The following TDRP variants were observed in gnomAD, a reference collection of about 807,000 sequenced individuals.
TDRP encodes the protein testis development related protein, also known as testis development-related protein.
Under a neutral mutation model 10.5 loss-of-function variants are expected in TDRP, and 12 were observed. That is an observed-to-expected ratio of 1.15 (90% confidence interval 0.73 to 1.86). The LOEUF is 1.86. TDRP is among the 40% of genes most tolerant of loss of function. The pLI, the probability that TDRP is intolerant of heterozygous loss-of-function variation, is 0.00. For synonymous variants in TDRP, 139 were observed against 95.4 expected, an observed-to-expected ratio of 1.46 and a Z score of -2.67; for missense variants, 353 against 229.2, an observed-to-expected ratio of 1.54 and a Z score of -3.49.
intron 1 of TDRP, among the ~76,000 whole-genome samples, chr8:514,759 A>G (rs1801711234): frequency 6.6e-6 from 1 of 152,014 alleles, no homozygotes; most frequent in South Asian, 2.1e-4. Flanking sequence ...CCAGCTCTAT[A>G]GGGGAAGGCC....
chr8:527,487 G>C (rs116674734), intron 1 of TDRP, among the ~76,000 whole-genome samples: 3,890 of 151,992 alleles, frequency 0.026, 153 homozygotes, highest in African/African-American at 0.088. Context: ...CAAAACTGGA[G>C]GAATCATGTT....
At chr8:544,214 G>C (rs1466111266) in intron 1 of TDRP, among the ~76,000 whole-genome samples, 1 of 152,114 alleles carries the variant, frequency 6.6e-6, no homozygotes, top group African/African-American at 2.4e-5. Flanking sequence ...CGATGATTCA[G>C]GCCTTCTCCG....
Position 492,343 on chromosome 8 carries a change from C to G in TDRP, c.*56G>C. 7.0e-7 allele frequency: 1 copy of G among 1,431,082 alleles called. No homozygotes were observed. The highest frequency in any genetic ancestry group is 9.2e-7 in the Non-Finnish European group (1 of 1,088,712). 88.6% of individuals were successfully genotyped at this position (1,431,082 alleles called of 1,614,324 possible). On this transcript the variant is annotated 3_prime_UTR_variant, in exon 3 of 3. Coordinates refer to ENST00000324079, the MANE Select transcript of TDRP (RefSeq NM_001384899.1). ...TAACGCGGAAAAGACTCAACAACTA[C>G]ATGGTATACTCATAAAAGGCCACCA...
Position 492,477 on chromosome 8 carries a change from C to T in TDRP, c.480G>A (p.Leu160=). The part of the protein sequence containing the change: ...ASSANSSRWS[L]RAAGRLVSIR... ...TGCTCACCAGCCTCCCTGCCGCGCG[C>T]AGGCTCCACCTGGAGCTGTTGGCAG... Residue 160 remains leucine (L), a synonymous_variant, in exon 3 of 3, where the codon CTG becomes CTA. Transcript: ENST00000324079. 1 of 1,607,264 alleles carries T rather than the reference C, an allele frequency of 6.2e-7. No individual in the cohort carries two copies. Among genetic ancestry groups the T allele is most frequent in the Non-Finnish European group, 8.5e-7 (1 of 1,175,102 alleles).
intron 1 of TDRP, among the ~76,000 whole-genome samples, chr8:531,976 T>C (rs1178395072): frequency 6.6e-6 from 1 of 152,198 alleles, no homozygotes; most frequent in Non-Finnish European, 1.5e-5. Flanking sequence ...CTCCTGACTG[T>C]GATACACTTT....
chr8:499,390 A>G lies in TDRP; in HGVS notation c.109-4793T>C, dbSNP rs1213296506. Among the ~76,000 whole-genome samples the G allele has an allele frequency of 3.3e-5, 5 of 152,216 alleles. No individual in the cohort carries two copies. The South Asian group carries it at 8.3e-4, about 25-fold the overall frequency. On this transcript the variant is annotated intron_variant, in intron 1 of 2. Transcript: ENST00000324079. ...ACGCTGGGCTGGCAGTAGAACCCAC[A>G]TTTCCAGTTGTGTGGTCTCCACTAA...
chr8:490,115 A>G lies in TDRP; in HGVS notation c.*2284T>C, dbSNP rs527992912. 6 of 152,372 alleles carry G rather than the reference A, an allele frequency of 3.9e-5. No individual in the cohort carries two copies. The highest frequency in any genetic ancestry group is 1.4e-4 in the African/African-American group (6 of 41,586). The allele number at this position is 152,372 out of a possible 1,614,324, so 9.4% of individuals were successfully genotyped here. Reference sequence around the variant, plus strand: ...GTGTTTACACAATTCAAACACCCAGAATCAAAACCACATTCTCCCATTAAC... The same window carrying G: ...GTGTTTACACAATTCAAACACCCAGGATCAAAACCACATTCTCCCATTAAC... On this transcript the variant is annotated 3_prime_UTR_variant, in exon 3 of 3. Coordinates refer to ENST00000324079, the MANE Select transcript of TDRP (RefSeq NM_001384899.1).
At chr8:493,073 T>C (rs79507181) in intron 2 of TDRP, among the ~76,000 whole-genome samples, 1 of 152,300 alleles carries the variant, frequency 6.6e-6, no homozygotes, top group African/African-American at 2.4e-5. Context: ...ATCAGATCTA[T>C]GAGAATCCAG....
At chr8:500,819 G>C (rs1331521138) in intron 1 of TDRP, among the ~76,000 whole-genome samples, 1 of 152,210 alleles carries the variant, frequency 6.6e-6, no homozygotes, top group African/African-American at 2.4e-5. Context: ...AGGCTGAACA[G>C]TGACACCTAA....
At chr8:517,041 A>G (rs1257065255) in intron 1 of TDRP, among the ~76,000 whole-genome samples, 1 of 152,204 alleles carries the variant, frequency 6.6e-6, no homozygotes, top group African/African-American at 2.4e-5. Flanking sequence ...GAGGAACCAG[A>G]AAAACTAGTT....
chr8:544,657 T>A lies in TDRP; in HGVS notation c.101A>T (p.Gln34Leu). 2.5e-6 allele frequency: 3 copies of A among 1,222,924 alleles called. No individual in the cohort carries two copies. Among genetic ancestry groups the A allele is most frequent in the East Asian group, 3.2e-5 (1 of 31,116 alleles). 75.8% of individuals were successfully genotyped at this position (1,222,924 alleles called of 1,614,324 possible). Residue 34 changes from glutamine to leucine, a missense_variant, in exon 1 of 3, where the codon CAG (glutamine) becomes CTG (leucine). Coordinates refer to ENST00000324079, the MANE Select transcript of TDRP (RefSeq NM_001384899.1). Reference sequence around the variant, plus strand: ...ACCTGCGCACCCCCTCACCTGCGCCTGGGCGGCGGCGGCGGCGGCCGGTGG... The same window carrying A: ...ACCTGCGCACCCCCTCACCTGCGCCAGGGCGGCGGCGGCGGCGGCCGGTGG... ...GPPPAAAAAA[Q>L]AQVQGASFRG... is the part of the protein sequence containing the mutation.
rs191389246 is a variant in TDRP, at chr8:526,112, C to T, written c.108+18538G>A. 1.7e-4 allele frequency among the ~76,000 whole-genome samples: 26 copies of T among 152,212 alleles called. No homozygotes were observed. The East Asian group carries it at 2.1e-3, about 12-fold the overall frequency. ...CTTTATTGTGCCTTTAGTGAGTAGCCTTTAGTGAGCCTTTGAATTTCTGCA... is the reference window on the plus strand; with the variant it reads ...CTTTATTGTGCCTTTAGTGAGTAGCTTTTAGTGAGCCTTTGAATTTCTGCA... On this transcript the variant is annotated intron_variant, in intron 1 of 2. Coordinates refer to ENST00000324079, the MANE Select transcript of TDRP (RefSeq NM_001384899.1).
chr8:515,640 G>A (rs1801738725), intron 1 of TDRP, among the ~76,000 whole-genome samples: 2 of 152,286 alleles, frequency 1.3e-5, no homozygotes, highest in Non-Finnish European at 2.9e-5. Flanking sequence ...ACAACCCACT[G>A]ATGTCAGGAA....
intron 1 of TDRP, among the ~76,000 whole-genome samples, chr8:527,036 C>T (rs1048928386): frequency 3.9e-5 from 6 of 152,084 alleles, no homozygotes; most frequent in Non-Finnish European, 7.4e-5. Context: ...GGGAGGATGG[C>T]TTGAGGCCCA....
intron 1 of TDRP, among the ~76,000 whole-genome samples, chr8:535,256 G>A (rs1029395770): frequency 6.6e-6 from 1 of 152,040 alleles, no homozygotes; most frequent in African/African-American, 2.4e-5. Flanking sequence ...AAGTCTTTGG[G>A]AGCAGCTGCA....
At chr8:508,783 CAT>C (rs1490104108) in intron 1 of TDRP, among the ~76,000 whole-genome samples, 1 of 152,194 alleles carries the variant, frequency 6.6e-6, no homozygotes, top group Non-Finnish European at 1.5e-5. Context: ...AGTCTTAATT[CAT>C]TTCAGCATTA....
chr8:514,529 G>C (rs971848893), intron 1 of TDRP, among the ~76,000 whole-genome samples: 9 of 152,080 alleles, frequency 5.9e-5, no homozygotes, highest in East Asian at 3.9e-4. Flanking sequence ...TCAATGCAGG[G>C]ACCAGGACAC....
chr8:526,617 G>C (rs1802041455), intron 1 of TDRP, among the ~76,000 whole-genome samples: 1 of 152,066 alleles, frequency 6.6e-6, no homozygotes. Flanking sequence ...GTATTTAATT[G>C]AGAATTTTTA....
intron 1 of TDRP, among the ~76,000 whole-genome samples, chr8:518,916 A>G (rs920901944): frequency 1.3e-5 from 2 of 152,196 alleles, no homozygotes; most frequent in African/African-American, 2.4e-5. Flanking sequence ...AGAGTTCCTG[A>G]AAGTATTGGA....
Sources: gnomAD v4.1 joint callset for allele counts (sites outside exome capture counted in the v4.1 genomes callset) on GRCh38, gnomAD v4.1.1 for gene constraint, MANE v1.5 for transcripts, NCBI Gene and HGNC (gene_info 2026-07-23, HGNC 2026-07-21) for gene names.